Variants in MALRD1 observed in about 807,000 individuals in gnomAD.
MALRD1 encodes the protein MAM and LDL receptor class A domain containing 1.
MALRD1 carries 247 observed loss-of-function variants against 242.1 expected under a neutral mutation model. The ratio of observed to expected loss-of-function variants is 1.02; its 90% CI spans 0.92 to 1.13. The LOEUF is 1.13. Ranked by LOEUF, MALRD1 falls within the 50% of genes most tolerant of loss-of-function variation. The pLI, the probability that MALRD1 is intolerant of heterozygous loss-of-function variation, is 0.00. For synonymous variants in MALRD1, 995 were observed against 866.6 expected (o/e 1.15, Z -2.60); for missense variants, 2,989 against 2,533.1 (o/e 1.18, Z -3.86).
rs1834600756 is a variant in MALRD1 at position 19,719,219 on chromosome 10, CATACATATATATATAT to C, written c.6315-11483_6315-11468del. Reference sequence around the variant, plus strand: ...ACATATATATATATATATACACATACATACATATATATATATATATATATATATATATATATATATG... The same window carrying C: ...ACATATATATATATATATACACATACATATATATATATATATATATATATG... On this transcript the variant is annotated intron_variant, in intron 38 of 39. Transcript: ENST00000454679. Among the ~76,000 whole-genome samples the C allele has an allele frequency of 3.0e-4, 9 of 30,308 alleles. 1 individual carries two copies. Among genetic ancestry groups the C allele is most frequent in the African/African-American group, 6.6e-4 (9 of 13,668 alleles). The allele number at this position is 30,308 out of a possible 152,430, so 19.9% of individuals were successfully genotyped here.
chr10:19,130,725 T>C (rs755565392), intron 8 of MALRD1, among the ~76,000 whole-genome samples: 41 of 152,250 alleles, frequency 2.7e-4, no homozygotes, highest in African/African-American at 9.4e-4. Context: ...TATGAATGTA[T>C]GTATTTAGTA....
At chr10:19,633,173 G>T (rs929928106) in intron 36 of MALRD1, among the ~76,000 whole-genome samples, 2 of 152,118 alleles carry the variant, frequency 1.3e-5, no homozygotes, top group African/African-American at 4.8e-5. Context: ...GGAGGTTACA[G>T]TGAGCCAAGA....
intron 32 of MALRD1, among the ~76,000 whole-genome samples, chr10:19,557,184 T>G (rs1835759972): frequency 6.6e-6 from 1 of 152,136 alleles, no homozygotes; most frequent in African/African-American, 2.4e-5. Context: ...TTATATATTT[T>G]GAATACCAGG....
chr10:19,475,567 C>T (rs1457320912), intron 29 of MALRD1, among the ~76,000 whole-genome samples: 3 of 152,098 alleles, frequency 2.0e-5, no homozygotes, highest in Non-Finnish European at 4.4e-5. Flanking sequence ...ATTCTGAAGG[C>T]ATGATTGAAA....
chr10:19,463,789 C>G (rs117640559), intron 29 of MALRD1, among the ~76,000 whole-genome samples: 2,151 of 152,176 alleles, frequency 0.014, 159 homozygotes, highest in Admixed American at 0.12. Context: ...AAGGACTATT[C>G]ACACTGTTTT....
At chr10:19,414,214 G>A (rs936310653) in intron 28 of MALRD1, among the ~76,000 whole-genome samples, 1 of 151,990 alleles carries the variant, frequency 6.6e-6, no homozygotes, top group African/African-American at 2.4e-5. Context: ...GAACGTTGTC[G>A]TAGTGGTAGC....
chr10:19,266,507 C>G (rs1349968881), intron 19 of MALRD1, among the ~76,000 whole-genome samples: 1 of 151,758 alleles, frequency 6.6e-6, no homozygotes, highest in East Asian at 1.9e-4. Flanking sequence ...TCTTCCCACC[C>G]CAACATTTAT....
intron 14 of MALRD1, among the ~76,000 whole-genome samples, chr10:19,190,822 AC>A (rs1236017014): frequency 6.6e-6 from 1 of 152,138 alleles, no homozygotes; most frequent in Non-Finnish European, 1.5e-5. Context: ...CAATCCATAA[AC>A]TAAATATAAG....
intron 38 of MALRD1, among the ~76,000 whole-genome samples, chr10:19,714,256 G>A (rs1258793307): frequency 6.6e-6 from 1 of 152,150 alleles, no homozygotes; most frequent in Admixed American, 6.5e-5. Flanking sequence ...CTCAGAAGAC[G>A]GGGGAGCCAG....
chr10:19,048,343 T>C (rs1158378443), upstream of MALRD1, among the ~76,000 whole-genome samples: 4 of 152,220 alleles, frequency 2.6e-5, no homozygotes, highest in Non-Finnish European at 5.9e-5. Flanking sequence ...AAGCACTTAC[T>C]AGCACCCATG....
intron 14 of MALRD1, among the ~76,000 whole-genome samples, chr10:19,181,152 G>A (rs1373654301): frequency 2.0e-5 from 3 of 152,100 alleles, no homozygotes; most frequent in Non-Finnish European, 4.4e-5. Context: ...ATGGTATGGA[G>A]GTTTCTAAAG....
At position 19,599,889 on chromosome 10, in the gene MALRD1, T is replaced by C. The variant is rs1297129089; in HGVS notation, c.5944+4432T>C. 3.9e-5 allele frequency among the ~76,000 whole-genome samples: 6 copies of C among 152,156 alleles called. No individual in the cohort carries two copies. In the South Asian group the frequency reaches 1.0e-3, roughly 26 times the overall value. On this transcript the variant is annotated intron_variant, in intron 34 of 39. Transcript: ENST00000454679. ...ATTAATCTGCTGGTGGTGATACCCA[T>C]TGACCAAATCCAATCGTACACCAGA... is the stretch of plus-strand genomic sequence containing the variant.
chr10:19,193,136 C>T (rs1034632691), intron 14 of MALRD1, among the ~76,000 whole-genome samples: 1 of 152,062 alleles, frequency 6.6e-6, no homozygotes, highest in African/African-American at 2.4e-5. Flanking sequence ...ACTGTATGCC[C>T]CACAATGAGT....
In MALRD1 at chr10:19,205,167, A is replaced by G. The variant is rs1459800815; in HGVS notation, c.2480A>G (p.Asp827Gly). ...CCTGCTGAGAGCTGTGAAGGGCTGG[A>G]TCATTTCTGGTGTCGCCACACCAGG... ...PLPAESCEGLDHFWCRHTRAC... is the reference protein window; with the variant it reads ...PLPAESCEGLGHFWCRHTRAC... Residue 827 changes from aspartate (D) to glycine (G), a missense_variant, in exon 17 of 40, where the codon GAT (aspartate) becomes GGT (glycine). By Grantham distance (94) the Asp-to-Gly change is moderately conservative. Transcript: ENST00000454679. 1 of 1,550,804 alleles carries G rather than the reference A, an allele frequency of 6.4e-7. No individual in the cohort carries two copies. The highest frequency in any genetic ancestry group is 2.4e-5 in the East Asian group (1 of 40,912).
At chr10:19,242,838 GT>G (rs1838852981) in intron 18 of MALRD1, among the ~76,000 whole-genome samples, 1 of 151,960 alleles carries the variant, frequency 6.6e-6, no homozygotes, top group African/African-American at 2.4e-5. Context: ...TAAGTATCAT[GT>G]AGGCAGCATA....
intron 28 of MALRD1, among the ~76,000 whole-genome samples, chr10:19,444,591 T>C (rs1413631903): frequency 6.6e-6 from 1 of 152,164 alleles, no homozygotes; most frequent in East Asian, 1.9e-4. Flanking sequence ...GGATATGAAA[T>C]TCTGGGTTGA....
At chr10:19,185,817 G>GTGTGTGTGTT (rs1325583701) in intron 14 of MALRD1, among the ~76,000 whole-genome samples, 2 of 48,076 alleles carry the variant, frequency 4.2e-5, no homozygotes, top group Non-Finnish European at 9.0e-5. Flanking sequence ...TTGAGATAGT[G>GTGTGTGTGTT]TGTGTGTGTG....
intron 31 of MALRD1, among the ~76,000 whole-genome samples, chr10:19,512,590 G>A (rs1012799744): frequency 6.6e-6 from 1 of 152,134 alleles, no homozygotes; most frequent in Non-Finnish European, 1.5e-5. Context: ...CATAGCATTG[G>A]CTTTCCTATA....
At chr10:19,171,960 TCACA>T (rs1835000964) in intron 13 of MALRD1, among the ~76,000 whole-genome samples, 1 of 39,962 alleles carries the variant, frequency 2.5e-5, no homozygotes, top group Non-Finnish European at 4.9e-5. Flanking sequence ...TATGTATATA[TCACA>T]TATATGTGAT....
Sources: allele counts gnomAD v4.1 joint callset (sites outside exome capture counted in the v4.1 genomes callset), GRCh38; gene constraint gnomAD v4.1.1; transcripts MANE v1.5; gene names NCBI Gene and HGNC (gene_info 2026-07-23, HGNC 2026-07-21).